The following RORA variants were observed in gnomAD, a reference collection of about 807,000 sequenced individuals.
RORA encodes the protein nuclear receptor ROR-alpha.
A neutral mutation model predicts 69.5 loss-of-function variants in RORA; 7 were observed. The ratio of observed to expected loss-of-function variants is 0.10; its 90% CI spans 0.06 to 0.19. The LOEUF (loss-of-function observed/expected upper bound fraction) is 0.19, where lower values mean the gene tolerates loss of function less well. RORA is among the 10% of genes least tolerant of loss of function. The probability of loss-of-function intolerance (pLI) is 1.00; values close to 1 mark genes in which losing one functional copy is unlikely to be tolerated. For missense variants in RORA, 457 were observed against 663.0 expected (o/e 0.69, Z 3.41); for synonymous variants, 261 against 240.8 (o/e 1.08, Z -0.78).
At chr15:60,866,544 T>C (rs149815766) in intron 1 of RORA, among the ~76,000 whole-genome samples, 261 of 152,266 alleles carry the variant, frequency 1.7e-3, no homozygotes, top group Middle Eastern at 6.8e-3. Flanking sequence ...CTCCTAAGCA[T>C]GGGGGGCTGG....
chr15:60,759,888 T>C (rs932526854), intron 1 of RORA, among the ~76,000 whole-genome samples: 4 of 152,176 alleles, frequency 2.6e-5, no homozygotes, highest in Non-Finnish European at 5.9e-5. Flanking sequence ...TTTTCCCCCA[T>C]TGAGGAGATA....
intron 1 of RORA, among the ~76,000 whole-genome samples, chr15:61,123,892 C>G (rs781072487): frequency 6.6e-6 from 1 of 152,206 alleles, no homozygotes; most frequent in Non-Finnish European, 1.5e-5. Context: ...ATTCCAGGTA[C>G]TTGACACCTC....
At chr15:60,999,897 A>T (rs537767062) in intron 1 of RORA, among the ~76,000 whole-genome samples, 1 of 152,348 alleles carries the variant, frequency 6.6e-6, no homozygotes, top group African/African-American at 2.4e-5. Flanking sequence ...CAGACTTTGC[A>T]TGTGAAAAGA....
rs892449696 is a variant in RORA, at chr15:60,537,380, C to G, written c.197-5529G>C. Among the ~76,000 whole-genome samples, 2 of 152,322 alleles carry G rather than the reference C, an allele frequency of 1.3e-5. No homozygotes were observed. The highest frequency in any genetic ancestry group is 3.9e-4 in the East Asian group (2 of 5,194). On this transcript the variant is annotated intron_variant, in intron 2 of 10. Coordinates refer to ENST00000335670, the MANE Select transcript of RORA (RefSeq NM_134261.3). The surrounding 1 kb of genome is among the most constrained non-coding windows in gnomAD (Gnocchi z 4.9). ...CTGCAACAGCCTGGAGAGAGGAAAC[C>G]TTTCTTCAATCTGTCTACCCAGACA...
intron 1 of RORA, among the ~76,000 whole-genome samples, chr15:60,946,470 T>G (rs1332201661): frequency 2.0e-5 from 3 of 152,322 alleles, no homozygotes; most frequent in Non-Finnish European, 4.4e-5. Context: ...GGGTTTCGCT[T>G]TGTTGGCCGG....
At chr15:60,649,436 A>G (rs78611426) in intron 2 of RORA, among the ~76,000 whole-genome samples, 1 of 152,266 alleles carries the variant, frequency 6.6e-6, no homozygotes, top group African/African-American at 2.4e-5. Context: ...CAGGGTGTAG[A>G]AAAAAACACT....
At chr15:60,994,765 C>A (rs529723356) in intron 1 of RORA, among the ~76,000 whole-genome samples, 2 of 152,220 alleles carry the variant, frequency 1.3e-5, no homozygotes, top group African/African-American at 4.8e-5. Context: ...ACTCAACATA[C>A]GTCTTCTTTC....
chr15:60,952,692 T>C (rs1406171916), intron 1 of RORA, among the ~76,000 whole-genome samples: 1 of 151,812 alleles, frequency 6.6e-6, no homozygotes, highest in Non-Finnish European at 1.5e-5. Flanking sequence ...CCATTCATAA[T>C]TGCTACAAAG....
intron 1 of RORA, among the ~76,000 whole-genome samples, chr15:60,880,858 C>T (rs148152848): frequency 8.5e-4 from 130 of 152,130 alleles, no homozygotes; most frequent in African/African-American, 3.0e-3. Context: ...TAAAAAAATC[C>T]GCCGATGCAT....
chr15:61,170,318 C>T (rs1204163214), intron 1 of RORA, among the ~76,000 whole-genome samples: 1 of 152,216 alleles, frequency 6.6e-6, no homozygotes, highest in Non-Finnish European at 1.5e-5. Context: ...AGGCCACCTG[C>T]ATTCTCTTTG....
intron 1 of RORA, among the ~76,000 whole-genome samples, chr15:61,109,291 G>T (rs1159034191): frequency 6.6e-6 from 1 of 152,216 alleles, no homozygotes; most frequent in African/African-American, 2.4e-5. Context: ...CAAGGGTAGG[G>T]TTTTGTCTGT....
intron 2 of RORA, among the ~76,000 whole-genome samples, chr15:60,542,967 A>C (rs72748722): frequency 0.091 from 13,457 of 148,630 alleles, 693 homozygotes; most frequent in African/African-American, 0.12. Context: ...CACACCCCCC[A>C]CATGCTTACA....
intron 2 of RORA, among the ~76,000 whole-genome samples, chr15:60,637,602 G>A (rs112915087): frequency 0.016 from 2,503 of 151,798 alleles, 61 homozygotes; most frequent in African/African-American, 0.056. Flanking sequence ...GTTATACGGC[G>A]TGAAAAAAAT....
intron 1 of RORA, among the ~76,000 whole-genome samples, chr15:60,728,251 A>T (rs2071387990): frequency 6.6e-6 from 1 of 152,144 alleles, no homozygotes; most frequent in Non-Finnish European, 1.5e-5. Context: ...ACCCAGGCTA[A>T]AATACTTTTT....
intron 1 of RORA, among the ~76,000 whole-genome samples, chr15:61,198,525 G>C (rs952750219): frequency 1.3e-5 from 2 of 152,086 alleles, no homozygotes; most frequent in South Asian, 4.1e-4. Flanking sequence ...TTTGAAACTA[G>C]ACTGAACAGA....
rs142223417 is a variant in RORA, at chr15:61,056,078, A to G, written c.166+172975T>C. Reference sequence around the variant, plus strand: ...CATAAAAGACCCACATACTACTTCTATGCTTTAAAAAGGAAAAGAGACATA... The same window carrying G: ...CATAAAAGACCCACATACTACTTCTGTGCTTTAAAAAGGAAAAGAGACATA... On this transcript the variant is annotated intron_variant, in intron 1 of 10. Coordinates refer to ENST00000335670, the MANE Select transcript of RORA (RefSeq NM_134261.3). Among the ~76,000 whole-genome samples, 371 of 152,380 alleles carry G rather than the reference A, an allele frequency of 2.4e-3. 2 individuals carry two copies. The highest frequency in any genetic ancestry group is 8.5e-3 in the African/African-American group (354 of 41,594).
At chr15:60,503,700 AG>A in intron 6 of RORA, 33 bp from the exon 7 acceptor site, 1 of 1,610,430 alleles carries the variant, frequency 6.2e-7, no homozygotes, top group Non-Finnish European at 8.5e-7. Flanking sequence ...AACATCCTCC[AG>A]GAAGATGTTA....
intron 1 of RORA, among the ~76,000 whole-genome samples, chr15:61,045,547 G>A (rs1896977914): frequency 6.6e-6 from 1 of 152,184 alleles, no homozygotes; most frequent in Non-Finnish European, 1.5e-5. Context: ...AGTACTCTGA[G>A]GCACCCAAGC....
At chr15:60,827,913 C>T (rs934072379) in intron 1 of RORA, among the ~76,000 whole-genome samples, 5 of 152,202 alleles carry the variant, frequency 3.3e-5, no homozygotes, top group East Asian at 1.9e-4. Context: ...CAGGTATAAC[C>T]GCTCATTCAT....
Sources: allele counts gnomAD v4.1 joint callset (sites outside exome capture counted in the v4.1 genomes callset), GRCh38; gene constraint gnomAD v4.1.1; non-coding constraint Gnocchi (gnomAD v3.1); transcripts MANE v1.5; gene names NCBI Gene and HGNC (gene_info 2026-07-23, HGNC 2026-07-21).